The following ERBIN variants were observed in gnomAD, a reference collection of about 807,000 sequenced individuals.
The protein encoded by ERBIN is densin-180-like protein.
A neutral mutation model predicts 158.4 loss-of-function variants in ERBIN; 60 were observed. The observed-to-expected ratio is 0.38, with a 90% CI of 0.31 to 0.47. The LOEUF is 0.47. ERBIN is among the 20% of genes least tolerant of loss of function. ERBIN has a pLI of 0.99. For synonymous variants in ERBIN, 594 were observed against 557.2 expected, an observed-to-expected ratio of 1.07 and a Z score of -0.93; for missense variants, 1,610 against 1,648.0, an observed-to-expected ratio of 0.98 and a Z score of 0.40.
At chr5:65,943,256 G>A (rs1745289094) in intron 1 of ERBIN, among the ~76,000 whole-genome samples, 1 of 152,200 alleles carries the variant, frequency 6.6e-6, no homozygotes, top group South Asian at 2.1e-4. Flanking sequence ...GAAGGGATGA[G>A]AAGGAGGAAT....
intron 4 of ERBIN, among the ~76,000 whole-genome samples, chr5:66,010,396 G>T (rs2151099464): frequency 6.6e-6 from 1 of 152,224 alleles, no homozygotes; most frequent in South Asian, 2.1e-4. Context: ...AATTTTGAAG[G>T]TTAAGGTGGT....
chr5:65,995,103 ATG>A (rs1752276194), intron 4 of ERBIN, among the ~76,000 whole-genome samples: 1 of 152,222 alleles, frequency 6.6e-6, no homozygotes. Context: ...TTTGTTTAAT[ATG>A]TGTATGTAAA....
intron 1 of ERBIN, among the ~76,000 whole-genome samples, chr5:65,941,568 C>T (rs1745046220): frequency 2.0e-5 from 3 of 152,016 alleles, no homozygotes; most frequent in Admixed American, 2.0e-4. Flanking sequence ...TTATGTATAT[C>T]ATTAAATGAC....
chr5:65,947,955 C>A (rs1000562979), intron 1 of ERBIN, among the ~76,000 whole-genome samples: 1 of 148,700 alleles, frequency 6.7e-6, no homozygotes, highest in Non-Finnish European at 1.5e-5. Flanking sequence ...TGCAGTGAGC[C>A]GTGATAATGC....
chr5:66,018,480 T>TAATATAA (rs1491284373), intron 7 of ERBIN, among the ~76,000 whole-genome samples: 292 of 5,484 alleles, frequency 0.053, 78 homozygotes, highest in Middle Eastern at 0.36. Flanking sequence ...ATATTATATA[T>TAATATAA]TATATATTAT....
At position 66,065,675 on chromosome 5, in the gene ERBIN, G is replaced by T. The variant is rs1760921629; in HGVS notation, c.3634-6494G>T. Among the ~76,000 whole-genome samples the T allele has an allele frequency of 3.5e-5, 5 of 141,722 alleles. No individual in the cohort carries two copies. The South Asian group carries it at 1.2e-3, about 33-fold the overall frequency. 93.0% of individuals were successfully genotyped at this position (141,722 alleles called of 152,430 possible). Reference sequence around the variant, plus strand: ...TGTGTGTGTGTTTTGCTTTGTATGTGAACCAGCATCCATTTATTTGTTATC... The same window carrying T: ...TGTGTGTGTGTTTTGCTTTGTATGTTAACCAGCATCCATTTATTTGTTATC... On this transcript the variant is annotated intron_variant, in intron 21 of 25. Transcript: ENST00000284037.
At chr5:65,955,224 A>T (rs927381017) in intron 1 of ERBIN, among the ~76,000 whole-genome samples, 1 of 152,168 alleles carries the variant, frequency 6.6e-6, no homozygotes, top group Non-Finnish European at 1.5e-5. Context: ...GGCCAACAAG[A>T]ATATTTAGGA....
intron 1 of ERBIN, among the ~76,000 whole-genome samples, chr5:65,987,398 A>G (rs1257149576): frequency 2.0e-5 from 3 of 152,012 alleles, no homozygotes; most frequent in African/African-American, 7.3e-5. Context: ...ACACACACGA[A>G]AAAAGAAAAA....
intron 24 of ERBIN, chr5:66,076,651 C>A (rs1762009147): frequency 3.3e-6 from 2 of 597,698 alleles, no homozygotes; most frequent in Admixed American, 3.5e-5. Context: ...ATTGCTTTTT[C>A]ACACACCTAT....
At chr5:66,026,172 AAG>A (rs1238840053) in intron 12 of ERBIN, 128 bp from the exon 13 acceptor site, 2 of 699,430 alleles carry the variant, frequency 2.9e-6, no homozygotes, top group African/African-American at 1.9e-5. Context: ...ATTAATTAAA[AAG>A]AAAGTCTAGT....
At chr5:65,975,269 A>G (rs1749725724) in intron 1 of ERBIN, among the ~76,000 whole-genome samples, 1 of 149,836 alleles carries the variant, frequency 6.7e-6, no homozygotes, top group African/African-American at 2.5e-5. Context: ...CGGCCTCCCA[A>G]AGTGCTGGGA....
At chr5:65,966,418 C>T (rs780635403) in intron 1 of ERBIN, among the ~76,000 whole-genome samples, 6 of 152,078 alleles carry the variant, frequency 3.9e-5, no homozygotes, top group African/African-American at 1.2e-4. Context: ...TGGTAGCTCA[C>T]GCCTGTAATC....
intron 21 of ERBIN, among the ~76,000 whole-genome samples, chr5:66,055,335 A>G (rs1759482402): frequency 1.3e-5 from 2 of 152,222 alleles, no homozygotes; most frequent in South Asian, 4.1e-4. Flanking sequence ...AATAACAAAA[A>G]ATGTATTGCA....
chr5:66,025,769 T>C, intron 11 of ERBIN, 79 bp from the exon 12 acceptor site: 1 of 1,085,836 alleles, frequency 9.2e-7, no homozygotes, highest in Non-Finnish European at 1.3e-6. Flanking sequence ...CAAGTTCAAA[T>C]GTTTATATGT....
chr5:65,966,402 C>T (rs1000952159), intron 1 of ERBIN, among the ~76,000 whole-genome samples: 1 of 152,032 alleles, frequency 6.6e-6, no homozygotes, highest in African/African-American at 2.4e-5. Context: ...AAAGGTAGGC[C>T]GGGCATGGTA....
intron 2 of ERBIN, among the ~76,000 whole-genome samples, chr5:65,989,712 G>T (rs1489641425): frequency 1.3e-5 from 2 of 152,136 alleles, no homozygotes; most frequent in Admixed American, 6.6e-5. Flanking sequence ...TGGTCCAGTG[G>T]CCATTAAGTG....
At chr5:65,997,267 T>C (rs1398832194) in intron 4 of ERBIN, among the ~76,000 whole-genome samples, 1 of 152,210 alleles carries the variant, frequency 6.6e-6, no homozygotes, top group African/African-American at 2.4e-5. Context: ...TTTATTGTGT[T>C]GAGGTGCTTT....
At chr5:66,021,173 A>T (rs1165112803) in intron 7 of ERBIN, 149 bp from the exon 8 acceptor site, 1 of 352,574 alleles carries the variant, frequency 2.8e-6, no homozygotes, top group Non-Finnish European at 5.2e-6. Flanking sequence ...GACTTTTAAA[A>T]TTTTTTAGAA....
At position 66,026,367 on chromosome 5, in the gene ERBIN, G is replaced by C; in HGVS notation, c.1086G>C (p.Glu362Asp). ...CCAATAAACTTGAGACACTTCCAGA[G>C]GAAATGGGTGATATGCAAAAATTAA... ...LHSNKLETLP[E>D]EMGDMQKLKV... The change falls in exon 13 of 26, where the codon GAG (glutamate) becomes GAC (aspartate). Residue 362 changes from glutamate to aspartate, a missense_variant. Transcript: ENST00000284037. The C allele has an allele frequency of 6.2e-7, 1 of 1,600,648 alleles. No individual in the cohort carries two copies. The highest frequency in any genetic ancestry group is 1.4e-5 in the African/African-American group (1 of 74,016).
Sources: allele counts gnomAD v4.1 joint callset (sites outside exome capture counted in the v4.1 genomes callset), GRCh38; gene constraint gnomAD v4.1.1; transcripts MANE v1.5; gene names NCBI Gene and HGNC (gene_info 2026-07-23, HGNC 2026-07-21).